Variants in CTNNA1 observed in about 807,000 individuals in gnomAD.
CTNNA1 encodes catenin alpha 1, also known as catenin alpha-1.
A neutral mutation model predicts 98.4 loss-of-function variants in CTNNA1; 37 were observed. The ratio of observed to expected loss-of-function variants is 0.38; its 90% CI spans 0.29 to 0.49. CTNNA1 has a LOEUF of 0.49. Ranked by LOEUF, CTNNA1 falls within the 20% of genes least tolerant of loss-of-function variation. The pLI is 0.95. For synonymous variants in CTNNA1, 404 were observed against 413.2 expected, an observed-to-expected ratio of 0.98 and a Z score of 0.27; for missense variants, 761 against 1,147.2, an observed-to-expected ratio of 0.66 and a Z score of 4.86.
chr5:138,930,141 C>G (rs556594468), intron 14 of CTNNA1, among the ~76,000 whole-genome samples: 1 of 152,332 alleles, frequency 6.6e-6, no homozygotes, highest in Non-Finnish European at 1.5e-5. Context: ...TCCACACTTT[C>G]ATCAACCCCT....
At chr5:138,933,405 T>C (rs895519271) in intron 17 of CTNNA1, among the ~76,000 whole-genome samples, 2 of 152,204 alleles carry the variant, frequency 1.3e-5, no homozygotes, top group African/African-American at 4.8e-5. Context: ...ACTTCTTATA[T>C]TGAACATATT....
intron 13 of CTNNA1, 140 bp from the exon 14 acceptor site, chr5:138,929,106 T>G (rs1764754573): frequency 1.4e-6 from 1 of 704,550 alleles, no homozygotes; most frequent in Non-Finnish European, 2.6e-6. Context: ...GATTTTGACT[T>G]TATTCACCAT....
rs183535931 is a variant in CTNNA1 at position 138,874,333 on chromosome 5, G to A, written c.1063-11879G>A. On this transcript the variant is annotated intron_variant, in intron 7 of 17. Transcript: ENST00000302763. This position sits in a 1 kb window ranked among gnomAD's most constrained non-coding sequence, Gnocchi z 4.1. Reference sequence around the variant, plus strand: ...TGAAGCTGGCAAATTGATCTCTTTCGAGCTCTGTGATGTGATTGTGCCTCA... The same window carrying A: ...TGAAGCTGGCAAATTGATCTCTTTCAAGCTCTGTGATGTGATTGTGCCTCA... 2.1e-5 allele frequency: 34 copies of A among 1,613,892 alleles called. No homozygotes were observed. The East Asian group carries it at 4.2e-4, about 20-fold the overall frequency.
intron 6 of CTNNA1, among the ~76,000 whole-genome samples, chr5:138,825,050 T>C (rs1327647313): frequency 6.6e-6 from 1 of 152,214 alleles, no homozygotes; most frequent in Non-Finnish European, 1.5e-5. Flanking sequence ...TCCTATGAGG[T>C]CATTCTTTAC....
At position 138,827,663 on chromosome 5, in the gene CTNNA1, A is replaced by G. The variant is rs2149785951; in HGVS notation, c.1007A>G (p.Glu336Gly). Residue 336 changes from glutamate (E) to glycine (G), a missense_variant, in exon 7 of 18, where the codon GAG becomes GGG. By Grantham distance (98) the Glu-to-Gly change is moderately conservative. Coordinates refer to ENST00000302763, the MANE Select transcript of CTNNA1 (RefSeq NM_001903.5). ...GACCGTCGTGAGCGAATTGTGGCAG[A>G]GTGTAATGCTGTCCGCCAGGCCCTG... ...RDDRRERIVA[E>G]CNAVRQALQD... The G allele has an allele frequency of 6.2e-7, 1 of 1,614,224 alleles. No homozygotes were observed. Among genetic ancestry groups the G allele is most frequent in the African/African-American group, 1.3e-5 (1 of 75,054 alleles).
intron 1 of CTNNA1, among the ~76,000 whole-genome samples, chr5:138,770,618 T>G (rs898117919): frequency 6.6e-6 from 1 of 152,204 alleles, no homozygotes; most frequent in African/African-American, 2.4e-5. Flanking sequence ...ACTTGATTAG[T>G]TCTTTCCTGA....
chr5:138,813,799 T>G (rs1161194689), intron 5 of CTNNA1, among the ~76,000 whole-genome samples: 1 of 152,072 alleles, frequency 6.6e-6, no homozygotes, highest in East Asian at 1.9e-4. Flanking sequence ...TTGTACTTTT[T>G]GTAGATACAG....
chr5:138,911,063 A>G (rs1388596569), intron 10 of CTNNA1, among the ~76,000 whole-genome samples: 2 of 152,142 alleles, frequency 1.3e-5, no homozygotes, highest in African/African-American at 4.8e-5. Context: ...ACATAGTGAG[A>G]CCCTGTATCT....
At chr5:138,853,451 C>T (rs961607720) in intron 7 of CTNNA1, among the ~76,000 whole-genome samples, 8 of 151,112 alleles carry the variant, frequency 5.3e-5, no homozygotes, top group Non-Finnish European at 1.0e-4. Flanking sequence ...CGTGTGTTTT[C>T]CCCCGCCTTT....
At chr5:138,764,986 G>A (rs1180612018) in intron 1 of CTNNA1, among the ~76,000 whole-genome samples, 1 of 143,722 alleles carries the variant, frequency 7.0e-6, no homozygotes, top group African/African-American at 2.6e-5. Flanking sequence ...CGATTCTTCT[G>A]CCTCAGCCTT....
intron 7 of CTNNA1, among the ~76,000 whole-genome samples, chr5:138,868,260 G>A (rs1351124217): frequency 6.6e-6 from 1 of 152,204 alleles, no homozygotes; most frequent in African/African-American, 2.4e-5. Context: ...AAGTTATGCA[G>A]ATTTTCGACT....
chr5:138,824,919 C>A, intron 6 of CTNNA1, 120 bp downstream of exon 6: 1 of 899,390 alleles, frequency 1.1e-6, no homozygotes, highest in Non-Finnish European at 1.7e-6. Flanking sequence ...GATCTTTAAT[C>A]TAAGTCAAAA....
rs1758517497 is a variant in CTNNA1 at position 138,810,071 on chromosome 5, C to G, written c.335C>G (p.Ala112Gly). Reference protein sequence around the residue: ...DLMKAAAGEFADDPCSSVKRG... With the variant: ...DLMKAAAGEFGDDPCSSVKRG... ...ATGAAGGCTGCTGCAGGAGAGTTCG[C>G]AGATGATCCCTGCTCTTCTGTGAAG... The change falls in exon 4 of 18, where the codon GCA (alanine) becomes GGA (glycine). Residue 112 changes from alanine to glycine, a missense_variant. Physicochemically the swap from Ala to Gly is moderately conservative, Grantham distance 60. This residue lies in a region of CTNNA1 where 328 missense variants were observed against 354.3 expected (regional missense o/e 0.93). Coordinates refer to ENST00000302763, the MANE Select transcript of CTNNA1 (RefSeq NM_001903.5). 3.1e-6 allele frequency: 5 copies of G among 1,613,346 alleles called. No individual in the cohort carries two copies. Among genetic ancestry groups the G allele is most frequent in the Admixed American group, 1.7e-5 (1 of 59,978 alleles).
At chr5:138,886,072 C>T (rs570203341) in intron 7 of CTNNA1, 140 bp from the exon 8 acceptor site, 23 of 827,308 alleles carry the variant, frequency 2.8e-5, no homozygotes, top group Non-Finnish European at 4.1e-5. Flanking sequence ...TAACACCCCT[C>T]TGCTCCCCAG....
At chr5:138,898,187 G>A (rs776592913) in intron 9 of CTNNA1, among the ~76,000 whole-genome samples, 6 of 119,118 alleles carry the variant, frequency 5.0e-5, no homozygotes, top group Non-Finnish European at 9.4e-5. Flanking sequence ...CTTGCTCTTC[G>A]TCTTACCGTG....
intron 7 of CTNNA1, among the ~76,000 whole-genome samples, chr5:138,885,469 A>G (rs1753822868): frequency 6.6e-6 from 1 of 152,194 alleles, no homozygotes. Flanking sequence ...GATTTAAAAA[A>G]AGACTTTTGT....
At chr5:138,867,439 T>C (rs1317713564) in intron 7 of CTNNA1, among the ~76,000 whole-genome samples, 1 of 152,258 alleles carries the variant, frequency 6.6e-6, no homozygotes, top group Non-Finnish European at 1.5e-5. Context: ...GCCCTAGCAC[T>C]GCCCAGGTGT....
intron 5 of CTNNA1, among the ~76,000 whole-genome samples, chr5:138,815,068 A>T (rs991356007): frequency 1.3e-5 from 2 of 152,212 alleles, no homozygotes; most frequent in African/African-American, 4.8e-5. Context: ...TTTGTATGCT[A>T]TTCAAGAAAC....
chr5:138,809,682 A>G (rs1758469072), intron 3 of CTNNA1, among the ~76,000 whole-genome samples: 1 of 151,634 alleles, frequency 6.6e-6, no homozygotes, highest in South Asian at 2.1e-4. Flanking sequence ...ATTTTATTAG[A>G]TATGTTTTTT....
Sources: allele counts gnomAD v4.1 joint callset (sites outside exome capture counted in the v4.1 genomes callset), GRCh38; gene constraint gnomAD v4.1.1; regional missense constraint gnomAD v4.1.1; non-coding constraint Gnocchi (gnomAD v3.1); transcripts MANE v1.5; gene names NCBI Gene and HGNC (gene_info 2026-07-23, HGNC 2026-07-21).